Variants in ICAM2 observed in about 807,000 individuals in gnomAD.
The protein encoded by ICAM2 is ICAM-2.
ICAM2 carries 14 observed loss-of-function variants against 19.1 expected under a neutral mutation model. The observed-to-expected ratio is 0.73, with a 90% CI of 0.48 to 1.15. The LOEUF is 1.15. ICAM2 is among the 50% of genes most tolerant of loss of function. The probability of loss-of-function intolerance (pLI) is 0.00; values close to 1 mark genes in which losing one functional copy is unlikely to be tolerated. For synonymous variants in ICAM2, 153 were observed against 152.7 expected (o/e 1.00, Z -0.01); for missense variants, 311 against 355.4 (o/e 0.88, Z 1.00).
At chr17:64,003,335 A>G (rs544093637) in intron 4 of ICAM2, 7 of 461,948 alleles carry the variant, frequency 1.5e-5, no homozygotes, top group African/African-American at 9.8e-5. Context: ...AGCTCTGGGG[A>G]CCTCAGTGGG....
chr17:64,003,857 T>A lies in ICAM2; in HGVS notation c.436A>T (p.Thr146Ser). Residue 146 changes from threonine (T) to serine (S), a missense_variant, in exon 4 of 5, where the codon ACC (threonine) becomes TCC (serine). Transcript: ENST00000579788. The stretch of plus-strand genomic sequence containing the variant: ...TCATTGCCACGGAACAGGAAGAGGG[T>A]GAGGCTGTCCAGGGGCTCCACGGTG... ...VPTVEPLDSL[T>S]LFLFRGNETL... 1 of 1,613,984 alleles carries A rather than the reference T, an allele frequency of 6.2e-7. No individual in the cohort carries two copies. The highest frequency in any genetic ancestry group is 2.2e-5 in the East Asian group (1 of 44,870).
At chr17:64,014,636 AAAG>A (rs1297436815) in intron 1 of ICAM2, among the ~76,000 whole-genome samples, 42 of 145,054 alleles carry the variant, frequency 2.9e-4, no homozygotes, top group Non-Finnish European at 2.9e-4. Flanking sequence ...AGAAAGAAAG[AAAG>A]AGAGAGAGAG....
chr17:64,008,796 G>T (rs951378067), intron 1 of ICAM2, among the ~76,000 whole-genome samples: 1 of 152,186 alleles, frequency 6.6e-6, no homozygotes, highest in Non-Finnish European at 1.5e-5. Context: ...TGGGAAGGTG[G>T]GGTGATCCAT....
chr17:64,012,672 G>C (rs1911502988), intron 1 of ICAM2, among the ~76,000 whole-genome samples: 1 of 152,192 alleles, frequency 6.6e-6, no homozygotes, highest in Non-Finnish European at 1.5e-5. Context: ...TGCACACCAA[G>C]TACTGTTGAA....
At chr17:64,014,699 AAGGAAGGAAGGAAGG>A (rs1911633888) in intron 1 of ICAM2, among the ~76,000 whole-genome samples, 6 of 24,752 alleles carry the variant, frequency 2.4e-4, no homozygotes, top group African/African-American at 4.4e-4. Context: ...GGAAGGAAGG[AAGGAAGGAAGGAAGG>A]AAGGAAGGAA....
intron 1 of ICAM2, 33 bp from the exon 2 acceptor site, chr17:64,006,768 A>T: frequency 7.7e-7 from 1 of 1,293,852 alleles, no homozygotes; most frequent in African/African-American, 1.5e-5. Context: ...GGTCTGAGCT[A>T]TGGCCCAGAA....
At chr17:64,014,870 G>A (rs1911660877) in intron 1 of ICAM2, among the ~76,000 whole-genome samples, 1 of 152,046 alleles carries the variant, frequency 6.6e-6, no homozygotes, top group Admixed American at 6.6e-5. Flanking sequence ...GAGCTCAGGG[G>A]TTTGAGACCA....
chr17:64,004,067 G>C (rs1911030913), intron 3 of ICAM2, 103 bp from the exon 4 acceptor site: 1 of 914,764 alleles, frequency 1.1e-6, no homozygotes, highest in Non-Finnish European at 1.6e-6. Context: ...TTCCACGGTT[G>C]GGGAGGAGGT....
chr17:64,003,232 C>T, intron 4 of ICAM2: 2 of 443,744 alleles, frequency 4.5e-6, no homozygotes, highest in Non-Finnish European at 8.2e-6. Flanking sequence ...TGGAGGGTGG[C>T]ATGGTCCCAG....
intron 1 of ICAM2, among the ~76,000 whole-genome samples, chr17:64,017,450 C>T (rs919693488): frequency 6.6e-6 from 1 of 152,040 alleles, no homozygotes; most frequent in African/African-American, 2.4e-5. Context: ...ATATTAAAGA[C>T]AATCTAAATA....
At chr17:64,004,918 G>A in intron 3 of ICAM2, 189 bp downstream of exon 3, 1 of 641,524 alleles carries the variant, frequency 1.6e-6, no homozygotes, top group Non-Finnish European at 2.8e-6. Context: ...TGCGTCTTGA[G>A]ATGCCAGCGG....
chr17:64,002,784 G>A lies in ICAM2; in HGVS notation c.791C>T (p.Ala264Val), dbSNP rs199862202. The A allele has an allele frequency of 2.7e-5, 44 of 1,613,228 alleles. No individual in the cohort carries two copies. The highest frequency in any genetic ancestry group is 7.7e-5 in the South Asian group (7 of 91,048). ...GGCCTGGGGCAGCCTCCTCCAAGCC[G>A]CTCGCACCCCGTAGGTGCCCATCCG... ...QQRMGTYGVRAAWRRLPQAFR... is the reference protein window; with the variant it reads ...QQRMGTYGVRVAWRRLPQAFR... Residue 264 changes from alanine (A) to valine (V), a missense_variant, in exon 5 of 5, where the codon GCG becomes GTG. Coordinates refer to ENST00000579788, the MANE Select transcript of ICAM2 (RefSeq NM_001099789.2).
At chr17:64,008,950 C>G (rs937081466) in intron 1 of ICAM2, among the ~76,000 whole-genome samples, 1 of 152,194 alleles carries the variant, frequency 6.6e-6, no homozygotes, top group Non-Finnish European at 1.5e-5. Flanking sequence ...CCAGTTCCTA[C>G]CCCCCATCTC....
intron 1 of ICAM2, among the ~76,000 whole-genome samples, chr17:64,018,038 C>T (rs1322208568): frequency 6.6e-6 from 1 of 152,140 alleles, no homozygotes. Context: ...CAATTGGTAT[C>T]TTTGACTAAG....
At chr17:64,005,046 C>A in intron 3 of ICAM2, 61 bp downstream of exon 3, 1 of 1,579,960 alleles carries the variant, frequency 6.3e-7, no homozygotes, top group Non-Finnish European at 8.7e-7. Flanking sequence ...GCTCTGTGTG[C>A]ATTCAGTAGA....
intron 1 of ICAM2, among the ~76,000 whole-genome samples, chr17:64,011,920 T>C (rs1250827379): frequency 6.6e-6 from 1 of 152,164 alleles, no homozygotes; most frequent in African/African-American, 2.4e-5. Context: ...ACTGGGTATA[T>C]ATCCAAATGA....
At chr17:64,009,024 G>C (rs1245341850) in intron 1 of ICAM2, among the ~76,000 whole-genome samples, 2 of 152,214 alleles carry the variant, frequency 1.3e-5, no homozygotes, top group African/African-American at 4.8e-5. Context: ...CCGGGCATGT[G>C]ACCATCTATT....
chr17:64,017,014 T>C (rs1207098794), intron 1 of ICAM2, among the ~76,000 whole-genome samples: 1 of 152,232 alleles, frequency 6.6e-6, no homozygotes, highest in East Asian at 1.9e-4. Flanking sequence ...ATAAAACTTC[T>C]ATGTTGTTTT....
intron 1 of ICAM2, 68 bp downstream of exon 1, chr17:64,020,455 C>T (rs562303214): frequency 6.6e-6 from 1 of 152,342 alleles, no homozygotes; most frequent in Non-Finnish European, 1.5e-5. Context: ...ACTCAGACCT[C>T]GACACTGCCA....
Sources: allele counts gnomAD v4.1 joint callset (sites outside exome capture counted in the v4.1 genomes callset), GRCh38; gene constraint gnomAD v4.1.1; transcripts MANE v1.5; gene names NCBI Gene and HGNC (gene_info 2026-07-23, HGNC 2026-07-21).